The following ENOX1 variants were observed in gnomAD, a reference collection of about 807,000 sequenced individuals.
ENOX1 encodes the protein ecto-NOX disulfide-thiol exchanger 1.
Under a neutral mutation model 82.5 loss-of-function variants are expected in ENOX1, and 42 were observed. That is an observed-to-expected ratio of 0.51 (90% CI 0.40 to 0.66). ENOX1 has a LOEUF of 0.66. Among genes scored for constraint, ENOX1 ranks in the 30% least tolerant of loss-of-function variants. The pLI, the probability that ENOX1 is intolerant of heterozygous loss-of-function variation, is 0.00. For missense variants in ENOX1, 608 were observed against 811.6 expected (o/e 0.75, Z 3.05); for synonymous variants, 271 against 282.2 (o/e 0.96, Z 0.40).
intron 2 of ENOX1, among the ~76,000 whole-genome samples, chr13:43,595,110 G>C (rs984137923): frequency 6.7e-6 from 1 of 149,622 alleles, no homozygotes; most frequent in Non-Finnish European, 1.5e-5. Context: ...GCTAGGGAGA[G>C]ATGGTGCCTT....
At chr13:43,280,053 T>C (rs1313943127) in intron 12 of ENOX1, among the ~76,000 whole-genome samples, 6 of 152,264 alleles carry the variant, frequency 3.9e-5, no homozygotes, top group Admixed American at 2.0e-4. Flanking sequence ...TTATCAGTTT[T>C]GTTTTTTGCA....
In ENOX1 at chr13:43,725,015, G is replaced by A. The variant is rs573227950; in HGVS notation, c.-284-57471C>T. 4.6e-5 allele frequency among the ~76,000 whole-genome samples: 7 copies of A among 152,228 alleles called. No homozygotes were observed. The East Asian group carries it at 5.8e-4, about 13-fold the overall frequency. On this transcript the variant is annotated intron_variant, in intron 1 of 16. Transcript: ENST00000690772. ...AGAGAGAGGGCACAGCTGCCTCCAC[G>A]GAATACCCTGTTATTGGGCATGACA...
chr13:43,348,180 T>C (rs2049522807), intron 8 of ENOX1, among the ~76,000 whole-genome samples: 1 of 152,320 alleles, frequency 6.6e-6, no homozygotes, highest in East Asian at 1.9e-4. Context: ...AAGTGCCCTT[T>C]AATAAAGAAA....
rs1181329185 is a variant in ENOX1, at chr13:43,254,565, TA to T, written c.1611+10832del. Among the ~76,000 whole-genome samples the T allele has an allele frequency of 2.0e-5, 3 of 152,324 alleles. No homozygotes were observed. In the East Asian group the frequency reaches 5.8e-4, roughly 29 times the overall value. ...AAATTGCTTTAAATGATAGCTGAAT[TA>T]ACCAATACATTGTCAATATCCACTG... On this transcript the variant is annotated intron_variant, in intron 14 of 16. Coordinates refer to ENST00000690772, the MANE Select transcript of ENOX1 (RefSeq NM_001347969.2).
chr13:43,338,509 G>A (rs1298441753), intron 9 of ENOX1, among the ~76,000 whole-genome samples: 1 of 151,652 alleles, frequency 6.6e-6, no homozygotes, highest in Non-Finnish European at 1.5e-5. Flanking sequence ...TCTAGGAAAT[G>A]AGGTCTATCC....
intron 3 of ENOX1, among the ~76,000 whole-genome samples, chr13:43,474,268 G>A (rs1593384766): frequency 1.3e-5 from 2 of 152,090 alleles, no homozygotes; most frequent in East Asian, 3.9e-4. Flanking sequence ...GTGTACAACT[G>A]CCCTTGAAAT....
At chr13:43,456,812 C>G (rs2057254190) in intron 3 of ENOX1, among the ~76,000 whole-genome samples, 1 of 152,152 alleles carries the variant, frequency 6.6e-6, no homozygotes, top group Admixed American at 6.5e-5. Flanking sequence ...CTCTGTTGGT[C>G]TGAAGCTCCT....
At chr13:43,472,387 C>G (rs1005306274) in intron 3 of ENOX1, among the ~76,000 whole-genome samples, 4 of 152,016 alleles carry the variant, frequency 2.6e-5, no homozygotes, top group Non-Finnish European at 5.9e-5. Flanking sequence ...CATGTGAATA[C>G]CATTTATTAG....
intron 8 of ENOX1, among the ~76,000 whole-genome samples, chr13:43,345,540 C>T (rs538263496): frequency 6.6e-6 from 1 of 152,224 alleles, no homozygotes; most frequent in East Asian, 1.9e-4. Flanking sequence ...TCAAAGAAAA[C>T]AGACTTGCCT....
Position 43,614,941 on chromosome 13 carries a change from C to G in ENOX1, c.-219+52538G>C, listed in dbSNP as rs529589094. Reference sequence around the variant, plus strand: ...TACTGAATCAGAACATGCATTTTAACAAGATCTCTTGGTGATCTGAATGTA... The same window carrying G: ...TACTGAATCAGAACATGCATTTTAAGAAGATCTCTTGGTGATCTGAATGTA... On this transcript the variant is annotated intron_variant, in intron 2 of 16. Transcript: ENST00000690772. Among the ~76,000 whole-genome samples the G allele has an allele frequency of 3.3e-5, 5 of 152,262 alleles. No individual in the cohort carries two copies. In the South Asian group the frequency reaches 1.0e-3, roughly 32 times the overall value.
chr13:43,490,790 T>C (rs2076592728), intron 2 of ENOX1, among the ~76,000 whole-genome samples: 1 of 152,190 alleles, frequency 6.6e-6, no homozygotes, highest in African/African-American at 2.4e-5. Flanking sequence ...AGCAAACAAA[T>C]TTTTATGCTT....
chr13:43,413,106 CA>C, intron 3 of ENOX1, 118 bp from the exon 4 acceptor site: 1 of 1,075,060 alleles, frequency 9.3e-7, no homozygotes, highest in Non-Finnish European at 1.2e-6. Flanking sequence ...CAGTCTCAGG[CA>C]CAGAAGAAAT....
At chr13:43,418,339 C>G (rs1185618793) in intron 3 of ENOX1, among the ~76,000 whole-genome samples, 1 of 152,138 alleles carries the variant, frequency 6.6e-6, no homozygotes, top group Non-Finnish European at 1.5e-5. Flanking sequence ...ACTGGCCTGG[C>G]CAACGTGGTG....
chr13:43,675,028 G>A (rs1309626977), intron 1 of ENOX1, among the ~76,000 whole-genome samples: 1 of 152,184 alleles, frequency 6.6e-6, no homozygotes, highest in Non-Finnish European at 1.5e-5. Flanking sequence ...AAGCCTGGCA[G>A]GTCACGTTTA....
chr13:43,593,988 G>A (rs2081355652), intron 2 of ENOX1, among the ~76,000 whole-genome samples: 1 of 152,124 alleles, frequency 6.6e-6, no homozygotes, highest in Non-Finnish European at 1.5e-5. Flanking sequence ...TCCTACCTAA[G>A]TGATTGTCTC....
intron 2 of ENOX1, among the ~76,000 whole-genome samples, chr13:43,532,875 A>G (rs571953694): frequency 2.1e-4 from 31 of 150,688 alleles, no homozygotes; most frequent in Non-Finnish European, 1.5e-4. Context: ...GTGTAAATAT[A>G]TATACAAATA....
At chr13:43,513,123 A>G (rs1028940206) in intron 2 of ENOX1, among the ~76,000 whole-genome samples, 1 of 152,154 alleles carries the variant, frequency 6.6e-6, no homozygotes, top group Admixed American at 6.5e-5. Flanking sequence ...AGCATGGTCA[A>G]CATGGCGAAA....
chr13:43,357,961 A>T (rs1408079283), intron 7 of ENOX1, among the ~76,000 whole-genome samples: 1 of 152,084 alleles, frequency 6.6e-6, no homozygotes, highest in Non-Finnish European at 1.5e-5. Flanking sequence ...AAGGGCAGGG[A>T]GGCAGAGTTA....
At position 43,712,148 on chromosome 13, in the gene ENOX1, A is replaced by C. The variant is rs1031136909; in HGVS notation, c.-284-44604T>G. The stretch of plus-strand genomic sequence containing the variant: ...TTCAGCTTTCTACATACGGCTAGCC[A>C]GTTTTCCCAGCACCATTTATTAAAT... On this transcript the variant is annotated intron_variant, in intron 1 of 16. Coordinates refer to ENST00000690772, the MANE Select transcript of ENOX1 (RefSeq NM_001347969.2). Among the ~76,000 whole-genome samples the C allele has an allele frequency of 2.8e-3, 419 of 148,508 alleles. 1 individual carries two copies. The highest frequency in any genetic ancestry group is 9.7e-3 in the African/African-American group (401 of 41,230).
Sources: allele counts gnomAD v4.1 joint callset (sites outside exome capture counted in the v4.1 genomes callset), GRCh38; gene constraint gnomAD v4.1.1; transcripts MANE v1.5; gene names NCBI Gene and HGNC (gene_info 2026-07-23, HGNC 2026-07-21).